Variants in RBFOX1 observed in about 807,000 individuals in gnomAD.
RBFOX1 encodes the protein RNA binding fox-1 homolog 1.
In RBFOX1, 8 loss-of-function variants were observed where a neutral mutation model predicts 57.7. That is an observed-to-expected ratio of 0.14 (90% CI 0.08 to 0.25). The LOEUF is 0.25. Among genes scored for constraint, RBFOX1 ranks in the 10% least tolerant of loss-of-function variants. The pLI is 1.00. For missense variants in RBFOX1, 611 were observed against 548.5 expected (o/e 1.11, Z -1.14); for synonymous variants, 326 against 222.4 (o/e 1.47, Z -4.15).
At chr16:5,903,221 A>G (rs904735265) in intron 4 of RBFOX1, among the ~76,000 whole-genome samples, 6 of 151,922 alleles carry the variant, frequency 3.9e-5, no homozygotes, top group African/African-American at 1.5e-4. Flanking sequence ...AGTCTCCTAA[A>G]CTAACACCTG....
At chr16:7,423,216 A>G (rs2098560486) in intron 4 of RBFOX1, among the ~76,000 whole-genome samples, 1 of 152,172 alleles carries the variant, frequency 6.6e-6, no homozygotes, top group African/African-American at 2.4e-5. Context: ...CCAAAAAGCA[A>G]GACCAGTTCG....
intron 2 of RBFOX1, among the ~76,000 whole-genome samples, chr16:6,521,450 C>A (rs778986807): frequency 6.9e-6 from 1 of 144,622 alleles, no homozygotes; most frequent in Admixed American, 7.0e-5. Flanking sequence ...CCTCCCCTCC[C>A]GTCCCCTCTC....
chr16:7,281,684 A>T (rs547608480), intron 4 of RBFOX1, among the ~76,000 whole-genome samples: 1 of 152,124 alleles, frequency 6.6e-6, no homozygotes, highest in African/African-American at 2.4e-5. Flanking sequence ...GCAATATGCA[A>T]ATCAGTCATC....
chr16:5,985,373 T>C (rs1035104635), intron 4 of RBFOX1, among the ~76,000 whole-genome samples: 4 of 152,046 alleles, frequency 2.6e-5, no homozygotes, highest in African/African-American at 9.7e-5. Context: ...TTCAGGACTG[T>C]ATTAATTCAG....
intron 1 of RBFOX1, among the ~76,000 whole-genome samples, chr16:6,242,626 GC>G (rs554653414): frequency 0.31 from 18,395 of 59,320 alleles, 1,238 homozygotes; most frequent in Middle Eastern, 0.47. Flanking sequence ...ATAATTTATT[GC>G]AAACACACAC....
At chr16:6,749,868 C>A (rs1603524194) in intron 3 of RBFOX1, among the ~76,000 whole-genome samples, 1 of 152,166 alleles carries the variant, frequency 6.6e-6, no homozygotes, top group African/African-American at 2.4e-5. Flanking sequence ...CAGCAGGAAA[C>A]ACATTTCTGA....
intron 4 of RBFOX1, among the ~76,000 whole-genome samples, chr16:7,318,226 T>A (rs570582050): frequency 6.6e-6 from 1 of 151,774 alleles, no homozygotes; most frequent in Admixed American, 6.6e-5. Context: ...GTGATGGCCA[T>A]GGTAATGGAG....
intron 3 of RBFOX1, among the ~76,000 whole-genome samples, chr16:6,877,200 G>A (rs149916715): frequency 1.9e-3 from 282 of 152,248 alleles, no homozygotes; most frequent in African/African-American, 6.5e-3. Flanking sequence ...CATTTAAAAA[G>A]TGCATTTAAC....
intron 3 of RBFOX1, among the ~76,000 whole-genome samples, chr16:6,901,763 A>C (rs563330381): frequency 6.6e-6 from 1 of 152,344 alleles, no homozygotes; most frequent in South Asian, 2.1e-4. Context: ...AGTAGAGATT[A>C]ACACTCATAG....
intron 3 of RBFOX1, among the ~76,000 whole-genome samples, chr16:5,616,592 C>A (rs2048031650): frequency 6.7e-6 from 1 of 149,148 alleles, no homozygotes; most frequent in Non-Finnish European, 1.5e-5. Flanking sequence ...CCCTCTCCCT[C>A]CTCCTCCTCC....
At chr16:7,535,508 C>G (rs377510962) in intron 5 of RBFOX1, among the ~76,000 whole-genome samples, 1 of 152,198 alleles carries the variant, frequency 6.6e-6, no homozygotes, top group Non-Finnish European at 1.5e-5. Flanking sequence ...AAGCTAGATA[C>G]AGGGAAGGGA....
At chr16:7,599,137 C>G (rs980487630) in intron 9 of RBFOX1, among the ~76,000 whole-genome samples, 7 of 152,214 alleles carry the variant, frequency 4.6e-5, no homozygotes, top group African/African-American at 1.7e-4. Context: ...ACTTTAAATG[C>G]CCAGTGCTGA....
At chr16:6,145,939 T>C (rs2096754722) in intron 1 of RBFOX1, among the ~76,000 whole-genome samples, 1 of 152,320 alleles carries the variant, frequency 6.6e-6, no homozygotes, top group South Asian at 2.1e-4. Context: ...GAATTTGCAC[T>C]AATCCAGCTC....
Position 6,483,699 on chromosome 16 carries a change from C to A in RBFOX1, c.-64+166642C>A. The A allele has an allele frequency of 2.5e-5, 31 of 1,250,774 alleles. No individual in the cohort carries two copies. In the South Asian group the frequency reaches 2.5e-4, roughly 10 times the overall value. The allele number at this position is 1,250,774 out of a possible 1,614,324, so 77.5% of individuals were successfully genotyped here. ...GGGGTTGCAGAGGGACGGGGGCGGGCGACAGGGGGAGGAGTGTGCAAATTG... is the reference window on the plus strand; with the variant it reads ...GGGGTTGCAGAGGGACGGGGGCGGGAGACAGGGGGAGGAGTGTGCAAATTG... On this transcript the variant is annotated intron_variant, in intron 2 of 15. Transcript: ENST00000550418.
At chr16:7,067,864 C>T (rs1004423076) in intron 4 of RBFOX1, among the ~76,000 whole-genome samples, 10 of 151,652 alleles carry the variant, frequency 6.6e-5, no homozygotes, top group African/African-American at 1.9e-4. Context: ...AGGACATGAA[C>T]TCATCATTTT....
At chr16:6,624,077 C>T (rs1232904193) in intron 2 of RBFOX1, among the ~76,000 whole-genome samples, 3 of 152,072 alleles carry the variant, frequency 2.0e-5, no homozygotes, top group African/African-American at 4.8e-5. Flanking sequence ...ATTCTATGGT[C>T]CATTTCACAA....
chr16:7,627,006 T>C (rs1317260247), intron 10 of RBFOX1, among the ~76,000 whole-genome samples: 2 of 151,980 alleles, frequency 1.3e-5, no homozygotes, highest in Non-Finnish European at 2.9e-5. Flanking sequence ...CAGGGAGGTT[T>C]AAAAATGCAA....
chr16:6,504,117 G>A (rs2096020596), intron 2 of RBFOX1, among the ~76,000 whole-genome samples: 1 of 152,138 alleles, frequency 6.6e-6, no homozygotes, highest in African/African-American at 2.4e-5. Flanking sequence ...CCAGAGGTAA[G>A]GTAGTCAGTA....
intron 3 of RBFOX1, among the ~76,000 whole-genome samples, chr16:6,814,733 T>C (rs751761603): frequency 4.6e-5 from 7 of 152,078 alleles, no homozygotes; most frequent in Non-Finnish European, 1.0e-4. Flanking sequence ...TGAAAAGTCC[T>C]TCAGTCTGGA....
Sources: gnomAD v4.1 joint callset for allele counts (sites outside exome capture counted in the v4.1 genomes callset) on GRCh38, gnomAD v4.1.1 for gene constraint, MANE v1.5 for transcripts, NCBI Gene and HGNC (gene_info 2026-07-23, HGNC 2026-07-21) for gene names.